RPS6KA2: variants seen among roughly 807,000 people sequenced by gnomAD.
RPS6KA2 encodes the protein ribosomal protein S6 kinase A2, also known as ribosomal protein S6 kinase alpha-2.
A neutral mutation model predicts 91.8 loss-of-function variants in RPS6KA2; 42 were observed. The ratio of observed to expected loss-of-function variants is 0.46; its 90% confidence interval spans 0.36 to 0.59. RPS6KA2 has a LOEUF of 0.59. Among genes scored for constraint, RPS6KA2 ranks in the 20% least tolerant of loss-of-function variants. The probability of loss-of-function intolerance (pLI) is 0.00; values close to 1 mark genes in which losing one functional copy is unlikely to be tolerated. For missense variants in RPS6KA2, 798 were observed against 978.5 expected (o/e 0.82, Z 2.46); for synonymous variants, 414 against 393.6 (o/e 1.05, Z -0.61).
At chr6:166,763,118 C>G (rs1280889802) in intron 2 of RPS6KA2, among the ~76,000 whole-genome samples, 1 of 152,228 alleles carries the variant, frequency 6.6e-6, no homozygotes, top group Non-Finnish European at 1.5e-5. Context: ...GCAGTAGTAT[C>G]AGGATCACAG....
chr6:166,732,832 G>C lies in RPS6KA2; in HGVS notation c.123+125368C>G, dbSNP rs2128589566. On this transcript the variant is annotated intron_variant, in intron 2 of 21. Transcript: ENST00000503859. The surrounding 1 kb of genome is among the most constrained non-coding windows in gnomAD (Gnocchi z 4.0). ...AAGGCCACCGGAGGCTGAGTCTGGT[G>C]GAAGGAGGCAGGGAACAGCCAAAGT... Among the ~76,000 whole-genome samples the C allele has an allele frequency of 6.6e-6, 1 of 152,332 alleles. No individual in the cohort carries two copies. Among genetic ancestry groups the C allele is most frequent in the African/African-American group, 2.4e-5 (1 of 41,574 alleles).
intron 3 of RPS6KA2, among the ~76,000 whole-genome samples, chr6:166,531,021 T>C (rs962633948): frequency 6.6e-6 from 1 of 152,248 alleles, no homozygotes; most frequent in African/African-American, 2.4e-5. Flanking sequence ...GCAATACAGC[T>C]CTTCTCTGAC....
intron 3 of RPS6KA2, among the ~76,000 whole-genome samples, chr6:166,525,810 T>A (rs1011949657): frequency 1.3e-5 from 2 of 152,210 alleles, no homozygotes; most frequent in Non-Finnish European, 2.9e-5. Flanking sequence ...TTCTTTCTCC[T>A]TGACATTCTT....
At chr6:166,741,483 G>A (rs897215777) in intron 2 of RPS6KA2, among the ~76,000 whole-genome samples, 22 of 152,164 alleles carry the variant, frequency 1.4e-4, no homozygotes, top group African/African-American at 4.6e-4. Flanking sequence ...ATCGAAAAAC[G>A]GAAAGCACAA....
intron 2 of RPS6KA2, among the ~76,000 whole-genome samples, chr6:166,538,184 C>A (rs1360602442): frequency 1.3e-5 from 2 of 152,216 alleles, no homozygotes; most frequent in Non-Finnish European, 2.9e-5. Flanking sequence ...GCTGAGGCTT[C>A]ATGAGGCAAT....
chr6:166,555,623 T>C lies in RPS6KA2; in HGVS notation c.100-16839A>G, dbSNP rs549902284. ...TTCAGGGATGCTACGATTGAGCCTC[T>C]TTCTCTGCTGCAACCCAGTATCTCG... On this transcript the variant is annotated intron_variant, in intron 1 of 20. Coordinates refer to ENST00000265678, the MANE Select transcript of RPS6KA2 (RefSeq NM_021135.6). Among the ~76,000 whole-genome samples, 265 of 152,048 alleles carry C rather than the reference T, an allele frequency of 1.7e-3. 1 individual carries two copies. Among genetic ancestry groups the C allele is most frequent in the African/African-American group, 6.1e-3 (254 of 41,478 alleles).
At position 166,410,030 on chromosome 6, in the gene RPS6KA2, A is replaced by G. The variant is rs917622370; in HGVS notation, c.*2732T>C. ...CAAAGCTCTCCCACTGCAGATTGGGAGAATCAGGTATTTCTCCCACATGGG... is the reference window on the plus strand; with the variant it reads ...CAAAGCTCTCCCACTGCAGATTGGGGGAATCAGGTATTTCTCCCACATGGG... On this transcript the variant is annotated 3_prime_UTR_variant, in exon 21 of 21. Coordinates refer to ENST00000265678, the MANE Select transcript of RPS6KA2 (RefSeq NM_021135.6). 6.6e-6 allele frequency: 1 copy of G among 152,194 alleles called. No homozygotes were observed. The highest frequency in any genetic ancestry group is 2.4e-5 in the African/African-American group (1 of 41,434). The allele number at this position is 152,194 out of a possible 1,614,324, so 9.4% of individuals were successfully genotyped here. A position where few individuals can be genotyped will look rare whatever the true frequency, so the allele number is the denominator to read the frequency against.
intron 12 of RPS6KA2, among the ~76,000 whole-genome samples, chr6:166,458,158 T>A (rs771953016): frequency 6.2e-4 from 94 of 152,184 alleles, no homozygotes; most frequent in Admixed American, 7.9e-4. Flanking sequence ...CAGCTTTGTG[T>A]CCCCACCCAA....
intron 2 of RPS6KA2, among the ~76,000 whole-genome samples, chr6:166,831,990 T>C (rs1380224663): frequency 6.6e-6 from 1 of 151,896 alleles, no homozygotes; most frequent in East Asian, 1.9e-4. Flanking sequence ...GATACACAGA[T>C]ATATGGATGA....
At chr6:166,832,085 T>TAGATAG (rs1562462350) in intron 2 of RPS6KA2, among the ~76,000 whole-genome samples, 2 of 143,388 alleles carry the variant, frequency 1.4e-5, no homozygotes, top group East Asian at 2.0e-4. Context: ...TAGATAGATA[T>TAGATAG]AGATAATCTA....
At chr6:166,631,239 A>G (rs995812626), upstream of RPS6KA2, among the ~76,000 whole-genome samples, 1 of 152,236 alleles carries the variant, frequency 6.6e-6, no homozygotes, top group African/African-American at 2.4e-5. Flanking sequence ...AGGAAATGGA[A>G]TTTACATTTG....
intron 2 of RPS6KA2, among the ~76,000 whole-genome samples, chr6:166,683,316 GAGTTA>G: frequency 6.6e-6 from 1 of 152,330 alleles, no homozygotes; most frequent in South Asian, 2.1e-4. Context: ...TCCTAACTCA[GAGTTA>G]CATTTTGGCA....
chr6:166,853,652 G>A (rs552792207), intron 2 of RPS6KA2, among the ~76,000 whole-genome samples: 114 of 152,342 alleles, frequency 7.5e-4, no homozygotes, highest in African/African-American at 2.6e-3. Context: ...TAAGTCTCAC[G>A]AGTGTGGCTG....
intron 2 of RPS6KA2, among the ~76,000 whole-genome samples, chr6:166,748,145 G>A (rs1157172460): frequency 1.3e-5 from 2 of 152,168 alleles, no homozygotes; most frequent in South Asian, 2.1e-4. Context: ...AGAACCATGC[G>A]AAGAGATTAC....
In RPS6KA2 at chr6:166,459,144, G is replaced by A. The variant is rs888016482; in HGVS notation, c.1075+305C>T. Among the ~76,000 whole-genome samples, 2 of 152,184 alleles carry A rather than the reference G, an allele frequency of 1.3e-5. No homozygotes were observed. Among genetic ancestry groups the A allele is most frequent in the Admixed American group, 6.5e-5 (1 of 15,280 alleles). On this transcript the variant is annotated intron_variant, in intron 12 of 20. Transcript: ENST00000265678. The surrounding 1 kb of genome is among the most constrained non-coding windows in gnomAD (Gnocchi z 4.9). ...GAAAGAGGGATTTTAATTGCCTCCA[G>A]TTTCTTTTCTTGCTCTTGCTGTGTG...
At chr6:166,497,527 C>T (rs371902505) in intron 8 of RPS6KA2, among the ~76,000 whole-genome samples, 7 of 152,342 alleles carry the variant, frequency 4.6e-5, no homozygotes, top group East Asian at 3.9e-4. Flanking sequence ...CGTGCGGGCA[C>T]GTGGAACACA....
chr6:166,694,632 C>T (rs1318387155), intron 2 of RPS6KA2, among the ~76,000 whole-genome samples: 2 of 152,210 alleles, frequency 1.3e-5, no homozygotes, highest in Admixed American at 1.3e-4. Context: ...CTGATGCGAA[C>T]CTCTCCCTAC....
At chr6:166,443,976 T>C (rs1266305961) in intron 14 of RPS6KA2, among the ~76,000 whole-genome samples, 1 of 152,186 alleles carries the variant, frequency 6.6e-6, no homozygotes, top group African/African-American at 2.4e-5. Flanking sequence ...ATCCTCACAA[T>C]TCAACCCCGT....
chr6:166,607,331 C>T (rs186974558), intron 1 of RPS6KA2, among the ~76,000 whole-genome samples: 2 of 152,150 alleles, frequency 1.3e-5, no homozygotes, highest in East Asian at 3.9e-4. Flanking sequence ...AAAACCTGTA[C>T]AAAAATGTTC....
Sources: allele counts gnomAD v4.1 joint callset (sites outside exome capture counted in the v4.1 genomes callset), GRCh38; gene constraint gnomAD v4.1.1; non-coding constraint Gnocchi (gnomAD v3.1); transcripts MANE v1.5; gene names NCBI Gene and HGNC (gene_info 2026-07-23, HGNC 2026-07-21).